Variants in MEF2C observed in about 807,000 individuals in gnomAD.
The protein encoded by MEF2C is myocyte enhancer factor 2C.
In MEF2C, 6 loss-of-function variants were observed where a neutral mutation model predicts 50.5. That is an observed-to-expected ratio of 0.12 (90% CI 0.07 to 0.23). The LOEUF (loss-of-function observed/expected upper bound fraction) is 0.23, where lower values mean the gene tolerates loss of function less well. Ranked by LOEUF, MEF2C falls within the 10% of genes least tolerant of loss-of-function variation. The pLI is 1.00. For missense variants in MEF2C, 276 were observed against 605.0 expected, an observed-to-expected ratio of 0.46 and a Z score of 5.70; for synonymous variants, 183 against 228.0, an observed-to-expected ratio of 0.80 and a Z score of 1.78.
intron 1 of MEF2C, 112 bp downstream of exon 1, chr5:88,882,843 T>G (rs573039176): frequency 6.6e-6 from 1 of 152,196 alleles, no homozygotes; most frequent in East Asian, 1.9e-4. Flanking sequence ...AACTTCAGCC[T>G]TCAAAAAAGG....
chr5:88,780,961 C>G, intron 3 of MEF2C: 1 of 985,024 alleles, frequency 1.0e-6, no homozygotes, highest in Non-Finnish European at 1.2e-6. Flanking sequence ...CTAATGCTAT[C>G]TACCAGAGTT....
At chr5:88,877,296 C>G (rs1485746021) in intron 1 of MEF2C, among the ~76,000 whole-genome samples, 3 of 151,798 alleles carry the variant, frequency 2.0e-5, no homozygotes, top group African/African-American at 7.3e-5. Flanking sequence ...AAAATATATA[C>G]CAAGATTTAA....
intron 2 of MEF2C, among the ~76,000 whole-genome samples, chr5:88,806,204 G>A (rs1023843400): frequency 6.6e-6 from 1 of 152,088 alleles, no homozygotes; most frequent in Non-Finnish European, 1.5e-5. Flanking sequence ...ACTGTTTTCA[G>A]AATGAATCAT....
At chr5:88,726,483 T>A (rs927592912) in intron 10 of MEF2C, among the ~76,000 whole-genome samples, 10 of 152,058 alleles carry the variant, frequency 6.6e-5, no homozygotes, top group Admixed American at 2.0e-4. Flanking sequence ...AAAAAGCTAC[T>A]CTGTGTGTGA....
intron 1 of MEF2C, chr5:88,881,086 TA>T (rs1380420164): frequency 6.6e-6 from 1 of 152,164 alleles, no homozygotes; most frequent in Non-Finnish European, 1.5e-5. Context: ...TAGGTTTTTA[TA>T]AAATTTAGTA....
chr5:88,789,198 G>A (rs1490081642), intron 3 of MEF2C, among the ~76,000 whole-genome samples: 1 of 146,306 alleles, frequency 6.8e-6, no homozygotes, highest in African/African-American at 2.5e-5. Flanking sequence ...ATAGAGTCTT[G>A]CTCTGTCACT....
At chr5:88,816,350 A>G (rs1194248923) in intron 2 of MEF2C, among the ~76,000 whole-genome samples, 4 of 151,980 alleles carry the variant, frequency 2.6e-5, no homozygotes, top group Admixed American at 1.3e-4. Flanking sequence ...CTGTGATCCT[A>G]CTACATGGTG....
chr5:88,755,236 T>C (rs1039172123), intron 4 of MEF2C, among the ~76,000 whole-genome samples: 3 of 152,230 alleles, frequency 2.0e-5, no homozygotes, highest in Non-Finnish European at 2.9e-5. Context: ...TTCTATTTAC[T>C]GTATATTACT....
At chr5:88,884,090 T>C (rs560514741), upstream of MEF2C, among the ~76,000 whole-genome samples, 1 of 152,340 alleles carries the variant, frequency 6.6e-6, no homozygotes, top group East Asian at 1.9e-4. Flanking sequence ...TCCCTGCTCC[T>C]CTCGCGGCGC....
At chr5:88,742,270 A>G in intron 6 of MEF2C, 2 of 985,388 alleles carry the variant, frequency 2.0e-6, no homozygotes, top group Non-Finnish European at 2.4e-6. Context: ...ATCTCCAAAT[A>G]AAATCTTATC....
intron 1 of MEF2C, among the ~76,000 whole-genome samples, chr5:88,858,022 T>C (rs543930239): frequency 2.6e-5 from 4 of 152,344 alleles, no homozygotes; most frequent in South Asian, 4.1e-4. Flanking sequence ...GTGAATTAAA[T>C]ACATGCAGTA....
chr5:88,752,015 G>T lies in MEF2C; in HGVS notation c.431C>A (p.Pro144Gln). The change falls in exon 5 of 11, where the codon CCA (proline) becomes CAA (glutamine). Residue 144 changes from proline (P) to glutamine (Q), a missense_variant. Physicochemically the swap from Pro to Gln is moderately conservative, Grantham distance 76. Coordinates refer to ENST00000504921, the MANE Select transcript of MEF2C (RefSeq NM_002397.5). Reference sequence around the variant, plus strand: ...GTGGCTGGACACTGGGATGGAGACTGGCATCTCGAAGTTGGGAGGTGGAAC... The same window carrying T: ...GTGGCTGGACACTGGGATGGAGACTTGCATCTCGAAGTTGGGAGGTGGAAC... Reference protein sequence around the residue: ...CAVPPPNFEMPVSIPVSSHNS... With the variant: ...CAVPPPNFEMQVSIPVSSHNS... The T allele has an allele frequency of 6.2e-7, 1 of 1,609,866 alleles. No homozygotes were observed. The highest frequency in any genetic ancestry group is 8.5e-7 in the Non-Finnish European group (1 of 1,177,314).
chr5:88,734,573 T>G (rs1181524105), intron 6 of MEF2C: 27 of 838,472 alleles, frequency 3.2e-5, no homozygotes, highest in Admixed American at 1.5e-4. Flanking sequence ...TTGTTTTTTT[T>G]TTTTTTTTTT....
chr5:88,876,402 C>T (rs1831079413), intron 1 of MEF2C, among the ~76,000 whole-genome samples: 1 of 151,944 alleles, frequency 6.6e-6, no homozygotes, highest in South Asian at 2.1e-4. Flanking sequence ...GCTAAATAAT[C>T]ATATCTTAAA....
At chr5:88,755,333 C>T (rs1195133303) in intron 4 of MEF2C, among the ~76,000 whole-genome samples, 2 of 152,106 alleles carry the variant, frequency 1.3e-5, no homozygotes, top group South Asian at 2.1e-4. Context: ...ATAATTCTTT[C>T]CTTTTCAAAT....
At chr5:88,782,707 T>C (rs755923594) in intron 3 of MEF2C, among the ~76,000 whole-genome samples, 1 of 152,208 alleles carries the variant, frequency 6.6e-6, no homozygotes, top group Non-Finnish European at 1.5e-5. Flanking sequence ...CACACACATA[T>C]ACATACTTAC....
At chr5:88,736,913 T>C in intron 6 of MEF2C, 3 of 985,384 alleles carry the variant, frequency 3.0e-6, no homozygotes, top group Non-Finnish European at 3.6e-6. Flanking sequence ...TTCAAATTTA[T>C]CTTTTAAGGA....
At position 88,719,434 on chromosome 5, in the gene MEF2C, G is replaced by A. The variant is rs1486718744; in HGVS notation, c.*3170C>T. The A allele has an allele frequency of 6.6e-6, 1 of 152,206 alleles. No individual in the cohort carries two copies. The highest frequency in any genetic ancestry group is 1.5e-5 in the Non-Finnish European group (1 of 68,022). The allele number at this position is 152,206 out of a possible 1,614,324, so 9.4% of individuals were successfully genotyped here. ...TTGCATCACTGTTACCAGTATTCAA[G>A]CTTCATATTACCAAAAATCTTTTAA... is the stretch of plus-strand genomic sequence containing the variant. On this transcript the variant is annotated 3_prime_UTR_variant, in exon 11 of 11. Transcript: ENST00000504921.
chr5:88,879,702 C>T (rs1245275867), intron 1 of MEF2C, among the ~76,000 whole-genome samples: 2 of 152,034 alleles, frequency 1.3e-5, no homozygotes, highest in Non-Finnish European at 2.9e-5. Flanking sequence ...AAAATTTACA[C>T]AATGAAGACA....
Sources: gnomAD v4.1 joint callset for allele counts (sites outside exome capture counted in the v4.1 genomes callset) on GRCh38, gnomAD v4.1.1 for gene constraint, MANE v1.5 for transcripts, NCBI Gene and HGNC (gene_info 2026-07-23, HGNC 2026-07-21) for gene names.